ITPR2: variants seen among roughly 807,000 people sequenced by gnomAD.
The protein encoded by ITPR2 is inositol 1,4,5-trisphosphate-gated calcium channel ITPR2.
A neutral mutation model predicts 317.1 loss-of-function variants in ITPR2; 207 were observed. The observed-to-expected ratio is 0.65, with a 90% confidence interval of 0.58 to 0.73. ITPR2 has a LOEUF of 0.73. Among genes scored for constraint, ITPR2 ranks in the 30% least tolerant of loss-of-function variants. The pLI is 0.00. For missense variants in ITPR2, 2,613 were observed against 3,284.0 expected (o/e 0.80, Z 4.99); for synonymous variants, 1,156 against 1,149.1 (o/e 1.01, Z -0.12).
At chr12:26,790,080 A>T in intron 2 of ITPR2, 77 bp downstream of exon 2, 2 of 931,922 alleles carry the variant, frequency 2.1e-6, no homozygotes, top group East Asian at 2.5e-5. Flanking sequence ...ATAAAGTTTT[A>T]ACATTACTTA....
rs140168136 is a variant in ITPR2, at chr12:26,602,124, C to T, written c.3678+246G>A. Among the ~76,000 whole-genome samples, 47 of 151,932 alleles carry T rather than the reference C, an allele frequency of 3.1e-4. No homozygotes were observed. The East Asian group carries it at 8.1e-3, about 26-fold the overall frequency. Reference sequence around the variant, plus strand: ...GGGACAAAGGGAGAAATCTGAGTAGCGTGTAGGGACTAGGTGGCAGTAAAG... The same window carrying T: ...GGGACAAAGGGAGAAATCTGAGTAGTGTGTAGGGACTAGGTGGCAGTAAAG... On this transcript the variant is annotated intron_variant, in intron 28 of 56. Coordinates refer to ENST00000381340, the MANE Select transcript of ITPR2 (RefSeq NM_002223.4).
intron 37 of ITPR2, among the ~76,000 whole-genome samples, chr12:26,500,491 CT>C (rs1943045923): frequency 6.6e-6 from 1 of 152,140 alleles, no homozygotes; most frequent in East Asian, 1.9e-4. Context: ...CCTTTACAGC[CT>C]TTTCAATATC....
chr12:26,732,103 G>A (rs898170324), intron 2 of ITPR2, among the ~76,000 whole-genome samples: 1 of 152,160 alleles, frequency 6.6e-6, no homozygotes, highest in African/African-American at 2.4e-5. Flanking sequence ...GAAGGCTCAG[G>A]GAAATGTATT....
At chr12:26,724,952 C>T (rs2306547) in intron 3 of ITPR2, among the ~76,000 whole-genome samples, 49,503 of 151,852 alleles carry the variant, frequency 0.33, 10,417 homozygotes, top group Non-Finnish European at 0.48. Context: ...TCATATTCAT[C>T]CAAGTATTTG....
chr12:26,731,441 G>A (rs1189259895), intron 2 of ITPR2, among the ~76,000 whole-genome samples: 2 of 152,130 alleles, frequency 1.3e-5, no homozygotes, highest in Non-Finnish European at 2.9e-5. Flanking sequence ...ATGGAAAGTG[G>A]TTAAAAAAGA....
chr12:26,542,571 T>C (rs1266651395), intron 37 of ITPR2, among the ~76,000 whole-genome samples: 1 of 152,248 alleles, frequency 6.6e-6, no homozygotes, highest in African/African-American at 2.4e-5. Context: ...CTGACAGTAC[T>C]GTCTGATAAT....
chr12:26,594,676 C>G (rs1945796923), intron 32 of ITPR2, among the ~76,000 whole-genome samples: 1 of 151,786 alleles, frequency 6.6e-6, no homozygotes, highest in African/African-American at 2.4e-5. Context: ...ACTTCAAGTC[C>G]CATAACTTTA....
chr12:26,772,102 G>C (rs1198619922), intron 2 of ITPR2, among the ~76,000 whole-genome samples: 1 of 151,934 alleles, frequency 6.6e-6, no homozygotes, highest in Non-Finnish European at 1.5e-5. Flanking sequence ...TTTCATCTCA[G>C]TATTATACTC....
chr12:26,503,411 T>C (rs973488359), intron 37 of ITPR2, among the ~76,000 whole-genome samples: 2 of 152,190 alleles, frequency 1.3e-5, no homozygotes, highest in Admixed American at 1.3e-4. Context: ...GGACAGTCTA[T>C]GGAATCCATG....
intron 35 of ITPR2, among the ~76,000 whole-genome samples, chr12:26,558,787 C>G (rs1944734314): frequency 6.6e-6 from 1 of 152,182 alleles, no homozygotes; most frequent in African/African-American, 2.4e-5. Flanking sequence ...GGACATCTTT[C>G]TAAACCACTT....
intron 2 of ITPR2, among the ~76,000 whole-genome samples, chr12:26,730,318 G>T (rs1484306949): frequency 3.3e-5 from 5 of 152,116 alleles, no homozygotes; most frequent in Admixed American, 2.6e-4. Context: ...GAGCAACCCG[G>T]TCTCACCTGC....
At chr12:26,558,329 C>A (rs1321424733) in intron 35 of ITPR2, among the ~76,000 whole-genome samples, 3 of 152,148 alleles carry the variant, frequency 2.0e-5, no homozygotes, top group African/African-American at 7.2e-5. Context: ...ATGCAACCTC[C>A]CTAAGTCATT....
Position 26,602,638 on chromosome 12 carries a change from A to T in ITPR2, c.3531T>A (p.Asn1177Lys). The T allele has an allele frequency of 6.2e-7, 1 of 1,610,816 alleles. No homozygotes were observed. The highest frequency in any genetic ancestry group is 8.5e-7 in the Non-Finnish European group (1 of 1,177,630). ...KKPQIDSNKS[N>K]NYRIVKEILI... is the part of the protein sequence containing the mutation. ...CGACCTCCTTTACAATCCGGTAGTT[A>T]TTGCTCTTGTTGCTGTCAATCTGAG... The change falls in exon 27 of 57, where the codon AAT (asparagine) becomes AAA (lysine). Residue 1177 changes from asparagine to lysine, a missense_variant. By Grantham distance (94) the Asn-to-Lys change is moderately conservative. This residue lies in a region of ITPR2 where 817 missense variants were observed against 897.6 expected (regional missense o/e 0.91). Transcript: ENST00000381340.
chr12:26,472,673 C>T (rs1325690589), intron 45 of ITPR2, among the ~76,000 whole-genome samples: 3 of 152,086 alleles, frequency 2.0e-5, no homozygotes, highest in South Asian at 2.1e-4. Context: ...CCTCTTCAAG[C>T]GCTGTAATAA....
Position 26,596,967 on chromosome 12 carries a change from AT to A in ITPR2, c.4169del (p.Asn1390MetfsTer17). On this transcript the variant is annotated frameshift_variant, in exon 31 of 57. Coordinates refer to ENST00000381340, the MANE Select transcript of ITPR2 (RefSeq NM_002223.4). LOFTEE classifies it high-confidence loss of function. Reference protein sequence around the residue: ...ELLAACTEGKNVYTEIKCNSL... With the variant: ...ELLAACTEGKXVYTEIKCNSL... ...AATTACACTTGATTTCAGTGTAGACATTTTTCCCCTCTGTGCATGCTGCCAG... is the reference window on the plus strand; with the variant it reads ...AATTACACTTGATTTCAGTGTAGACATTTTCCCCTCTGTGCATGCTGCCAG... The A allele has an allele frequency of 6.2e-7, 1 of 1,612,514 alleles. No homozygotes were observed. Among genetic ancestry groups the A allele is most frequent in the African/African-American group, 1.3e-5 (1 of 74,924 alleles).
chr12:26,602,519 T>C (rs200299746), intron 27 of ITPR2, 24 bp from the exon 28 acceptor site: 1 of 1,598,958 alleles, frequency 6.3e-7, no homozygotes, highest in Non-Finnish European at 8.5e-7. Flanking sequence ...AGGGAAAGCA[T>C]CAAATATAAT....
At chr12:26,561,236 C>T (rs1944809949) in intron 35 of ITPR2, among the ~76,000 whole-genome samples, 1 of 152,156 alleles carries the variant, frequency 6.6e-6, no homozygotes, top group Non-Finnish European at 1.5e-5. Context: ...CCTGCTGATA[C>T]CTTGATCTTG....
intron 55 of ITPR2, among the ~76,000 whole-genome samples, chr12:26,377,259 T>G (rs1222423992): frequency 6.6e-6 from 1 of 152,192 alleles, no homozygotes; most frequent in African/African-American, 2.4e-5. Flanking sequence ...ACTGCTGCCG[T>G]GTGTTATCAT....
chr12:26,804,441 T>C (rs1950608849), intron 1 of ITPR2, among the ~76,000 whole-genome samples: 1 of 152,158 alleles, frequency 6.6e-6, no homozygotes, highest in Non-Finnish European at 1.5e-5. Flanking sequence ...CCTCTCTTTC[T>C]GGGAGGGAGT....
Sources: allele counts gnomAD v4.1 joint callset (sites outside exome capture counted in the v4.1 genomes callset), GRCh38; gene constraint gnomAD v4.1.1; regional missense constraint gnomAD v4.1.1; transcripts MANE v1.5; gene names NCBI Gene and HGNC (gene_info 2026-07-23, HGNC 2026-07-21).